MAP3K19: variants seen among roughly 807,000 people sequenced by gnomAD.
MAP3K19 encodes the protein SPS1/STE20-related protein kinase YSK4.
A neutral mutation model predicts 114.4 loss-of-function variants in MAP3K19; 91 were observed. The observed-to-expected ratio is 0.80, with a 90% CI of 0.67 to 0.95. The LOEUF is 0.95. Among genes scored for constraint, MAP3K19 ranks in the 40% least tolerant of loss-of-function variants. The pLI is 0.00. For missense variants in MAP3K19, 1,471 were observed against 1,573.2 expected (o/e 0.94, Z 1.10); for synonymous variants, 518 against 530.5 (o/e 0.98, Z 0.32).
chr2:134,969,007 G>C (rs1004935270), intron 12 of MAP3K19, among the ~76,000 whole-genome samples: 1 of 152,200 alleles, frequency 6.6e-6, no homozygotes, highest in Non-Finnish European at 1.5e-5. Context: ...GCTGCTGGGA[G>C]GTGGAGGTTG....
intron 12 of MAP3K19, among the ~76,000 whole-genome samples, chr2:134,968,341 T>C (rs1683549170): frequency 6.6e-6 from 1 of 151,618 alleles, no homozygotes; most frequent in African/African-American, 2.4e-5. Context: ...AAACCGCCAT[T>C]GTCATCATGG....
At chr2:134,973,373 T>G (rs1684006503) in intron 12 of MAP3K19, among the ~76,000 whole-genome samples, 1 of 152,226 alleles carries the variant, frequency 6.6e-6, no homozygotes, top group African/African-American at 2.4e-5. Flanking sequence ...CATTATATAG[T>G]GACTTTGTCT....
chr2:134,988,256 A>G lies in MAP3K19; in HGVS notation c.619-3T>C, dbSNP rs534830676. On this transcript the variant is annotated splice_region_variant and splice_polypyrimidine_tract_variant and intron_variant, in intron 9 of 12. Transcript: ENST00000392915. ...AGTGACAGTGGTGGCAGAAGGAACTAAAAGGAAGACAGAAAAAGCTGTGAA... is the reference window on the plus strand; with the variant it reads ...AGTGACAGTGGTGGCAGAAGGAACTGAAAGGAAGACAGAAAAAGCTGTGAA... 1.3e-6 allele frequency: 2 copies of G among 1,543,982 alleles called. No individual in the cohort carries two copies. Among genetic ancestry groups the G allele is most frequent in the African/African-American group, 2.8e-5 (2 of 72,448 alleles).
chr2:134,996,104 T>C (rs1302735311), intron 8 of MAP3K19, among the ~76,000 whole-genome samples: 1 of 152,052 alleles, frequency 6.6e-6, no homozygotes, highest in Non-Finnish European at 1.5e-5. Context: ...CACAGCCACC[T>C]AATTTTTAAA....
At position 135,047,208 on chromosome 2, in the gene MAP3K19, C is replaced by T. The variant is rs957476248; in HGVS notation, c.-447G>A. Reference sequence around the variant, plus strand: ...ACCTGTGCTGTGTTTTGCTGAGGGACGTGGCACACAGTTGAAGAAACACCA... The same window carrying T: ...ACCTGTGCTGTGTTTTGCTGAGGGATGTGGCACACAGTTGAAGAAACACCA... On this transcript the variant is annotated 5_prime_UTR_variant, in exon 1 of 13. Coordinates refer to ENST00000392915, the MANE Select transcript of MAP3K19 (RefSeq NM_025052.5). 2.0e-5 allele frequency: 3 copies of T among 152,074 alleles called. No homozygotes were observed. The highest frequency in any genetic ancestry group is 4.4e-5 in the Non-Finnish European group (3 of 68,016). The allele number at this position is 152,074 out of a possible 1,614,324, so 9.4% of individuals were successfully genotyped here.
chr2:134,997,900 C>A (rs912643691), intron 8 of MAP3K19, among the ~76,000 whole-genome samples: 2 of 150,906 alleles, frequency 1.3e-5, no homozygotes, highest in South Asian at 4.2e-4. Context: ...AATAATTATT[C>A]TTTTTTTTCT....
chr2:135,019,192 G>GAACA (rs1687804708), intron 5 of MAP3K19, among the ~76,000 whole-genome samples: 1 of 152,138 alleles, frequency 6.6e-6, no homozygotes, highest in South Asian at 2.1e-4. Context: ...GGGCTTCGGT[G>GAACA]AACAATTCCT....
At chr2:134,998,076 T>C (rs1268881110) in intron 8 of MAP3K19, among the ~76,000 whole-genome samples, 5 of 152,082 alleles carry the variant, frequency 3.3e-5, no homozygotes, top group Admixed American at 2.0e-4. Context: ...CAGGGGGAAA[T>C]GCTGGCATCA....
At position 134,991,226 on chromosome 2, in the gene MAP3K19, G is replaced by A. The variant is rs1284879525; in HGVS notation, c.618+311C>T. On this transcript the variant is annotated intron_variant, in intron 9 of 12. Transcript: ENST00000392915. The stretch of plus-strand genomic sequence containing the variant: ...TGAGGCAGGAGAATGGCGTGAACCC[G>A]GGAGGCGGAGCTTGCAGTGAGCCGA... 4.6e-5 allele frequency: 14 copies of A among 302,072 alleles called. 1 individual carries two copies. The East Asian group carries it at 7.6e-4, about 16-fold the overall frequency. The allele number at this position is 302,072 out of a possible 1,614,324, so 18.7% of individuals were successfully genotyped here. A position where few individuals can be genotyped will look rare whatever the true frequency, so the allele number is the denominator to read the frequency against.
chr2:134,965,544 A>G (rs916491372), intron 12 of MAP3K19, among the ~76,000 whole-genome samples: 10 of 152,198 alleles, frequency 6.6e-5, no homozygotes, highest in African/African-American at 2.4e-4. Flanking sequence ...TGAAATAGTC[A>G]ATGATTAGCT....
Position 134,981,382 on chromosome 2 carries a change from T to C in MAP3K19, c.3359A>G (p.His1120Arg), listed in dbSNP as rs1309288882. 4 of 1,614,234 alleles carry C rather than the reference T, an allele frequency of 2.5e-6. No individual in the cohort carries two copies. Among genetic ancestry groups the C allele is most frequent in the Admixed American group, 3.3e-5 (2 of 60,024 alleles). ...EEVDLLKALKHVNIVAYLGTC... is the reference protein window; with the variant it reads ...EEVDLLKALKRVNIVAYLGTC... Reference sequence around the variant, plus strand: ...CCCCAAATAGGCCACAATGTTGACATGTTTCAGTGCTTTGAGCAAATCTAC... The same window carrying C: ...CCCCAAATAGGCCACAATGTTGACACGTTTCAGTGCTTTGAGCAAATCTAC... Residue 1120 changes from histidine to arginine, a missense_variant, in exon 12 of 13, where the codon CAT (histidine) becomes CGT (arginine). Transcript: ENST00000392915.
At position 134,986,302 on chromosome 2, in the gene MAP3K19, G is replaced by T; in HGVS notation, c.2570C>A (p.Ala857Glu). ...GTTAGAATTCTTCTCACTGGGCACTGCCCAGCTGTCTTCTGAAGGGATAAA... is the reference window on the plus strand; with the variant it reads ...GTTAGAATTCTTCTCACTGGGCACTTCCCAGCTGTCTTCTGAAGGGATAAA... ...IPFIPSEDSW[A>E]VPSEKNSNKY... The change falls in exon 10 of 13, where the codon GCA (alanine) becomes GAA (glutamate). Residue 857 changes from alanine to glutamate, a missense_variant. By Grantham distance (107) the Ala-to-Glu change is moderately radical. Coordinates refer to ENST00000392915, the MANE Select transcript of MAP3K19 (RefSeq NM_025052.5). 1 of 1,613,982 alleles carries T rather than the reference G, an allele frequency of 6.2e-7. No homozygotes were observed. The highest frequency in any genetic ancestry group is 1.3e-5 in the African/African-American group (1 of 75,052).
At chr2:135,014,285 C>T (rs559311278) in intron 5 of MAP3K19, among the ~76,000 whole-genome samples, 25 of 152,096 alleles carry the variant, frequency 1.6e-4, no homozygotes, top group Admixed American at 1.1e-3. Context: ...GCCTGGAAGG[C>T]GGAGGTTGCA....
At chr2:135,023,336 C>T (rs917288594) in intron 4 of MAP3K19, 7 of 448,940 alleles carry the variant, frequency 1.6e-5, no homozygotes, top group Admixed American at 1.5e-4. Flanking sequence ...TCCTCTCTAT[C>T]TGCGGGTGCA....
rs373389052 is a variant in MAP3K19 at position 135,024,633 on chromosome 2, T to G, written c.15A>C (p.Pro5=). ...TGGAGTGAAAGTATTTACCTGGTTT[T>G]GGCATAGAACTCATTAAAATGTCCA... MSSM[P]KPERHAESLL... The change falls in exon 4 of 13, where the codon CCA becomes CCC. Residue 5 remains proline, a synonymous_variant. Coordinates refer to ENST00000392915, the MANE Select transcript of MAP3K19 (RefSeq NM_025052.5). 3.1e-6 allele frequency: 5 copies of G among 1,613,684 alleles called. No homozygotes were observed. The highest frequency in any genetic ancestry group is 4.2e-6 in the Non-Finnish European group (5 of 1,179,734).
intron 1 of MAP3K19, among the ~76,000 whole-genome samples, chr2:135,045,026 CTAAG>C: frequency 6.6e-6 from 1 of 152,278 alleles, no homozygotes; most frequent in East Asian, 1.9e-4. Flanking sequence ...TGATGGACAT[CTAAG>C]TTGTCCACTC....
Position 134,987,064 on chromosome 2 carries a change from G to C in MAP3K19, c.1808C>G (p.Thr603Ser), listed in dbSNP as rs991733851. 1 of 1,612,824 alleles carries C rather than the reference G, an allele frequency of 6.2e-7. No individual in the cohort carries two copies. The highest frequency in any genetic ancestry group is 8.5e-7 in the Non-Finnish European group (1 of 1,180,006). The change falls in exon 10 of 13, where the codon ACT becomes AGT. Residue 603 changes from threonine to serine, a missense_variant. By Grantham distance (58) the Thr-to-Ser change is moderately conservative. Coordinates refer to ENST00000392915, the MANE Select transcript of MAP3K19 (RefSeq NM_025052.5). ...CTTTTTAGGTTTCTGAGTCCGGTGAGTTGATTGCTTCTTTGCTATCTGTGG... is the reference window on the plus strand; with the variant it reads ...CTTTTTAGGTTTCTGAGTCCGGTGACTTGATTGCTTCTTTGCTATCTGTGG... ...KMPQIAKKQSTHRTQKPKKQS... is the reference protein window; with the variant it reads ...KMPQIAKKQSSHRTQKPKKQS...
At position 134,980,901 on chromosome 2, in the gene MAP3K19, T is replaced by G; in HGVS notation, c.3840A>C (p.Gly1280=). Residue 1280 remains glycine (G), a synonymous_variant, in exon 12 of 13, where the codon GGA becomes GGC. Coordinates refer to ENST00000392915, the MANE Select transcript of MAP3K19 (RefSeq NM_025052.5). ...AAGGAGGCATCAGCCCTCGGTGTGC[T>G]CCGATGTAAAACATGGCGGCCATCC... ...MDRMAAMFYI[G]AHRGLMPPLP... 6.2e-7 allele frequency: 1 copy of G among 1,614,202 alleles called. No individual in the cohort carries two copies. Among genetic ancestry groups the G allele is most frequent in the Non-Finnish European group, 8.5e-7 (1 of 1,180,034 alleles).
chr2:134,968,168 G>C (rs990835763), intron 12 of MAP3K19, among the ~76,000 whole-genome samples: 3 of 152,020 alleles, frequency 2.0e-5, no homozygotes, highest in Non-Finnish European at 2.9e-5. Flanking sequence ...GAGAGCACAG[G>C]GTTGGGGGTA....
Sources: gnomAD v4.1 joint callset for allele counts (sites outside exome capture counted in the v4.1 genomes callset) on GRCh38, gnomAD v4.1.1 for gene constraint, MANE v1.5 for transcripts, NCBI Gene and HGNC (gene_info 2026-07-23, HGNC 2026-07-21) for gene names.